The following CCDC85A variants were observed in gnomAD, a reference collection of about 807,000 sequenced individuals.
CCDC85A encodes the protein coiled-coil domain-containing protein 85A.
CCDC85A carries 38 observed loss-of-function variants against 50.2 expected under a neutral mutation model. The ratio of observed to expected loss-of-function variants is 0.76; its 90% CI spans 0.58 to 0.99. The LOEUF (loss-of-function observed/expected upper bound fraction) is 0.99, where lower values mean the gene tolerates loss of function less well. Among genes scored for constraint, CCDC85A ranks in the 50% least tolerant of loss-of-function variants. CCDC85A has a pLI of 0.00. For missense variants in CCDC85A, 820 were observed against 742.0 expected (o/e 1.11, Z -1.22); for synonymous variants, 366 against 301.4 (o/e 1.21, Z -2.22).
rs781754722 is a variant in CCDC85A at position 56,193,267 on chromosome 2, G to T, written c.1067G>T (p.Gly356Val). The T allele has an allele frequency of 4.3e-6, 7 of 1,613,352 alleles. No homozygotes were observed. The highest frequency in any genetic ancestry group is 5.9e-6 in the Non-Finnish European group (7 of 1,179,768). The change falls in exon 2 of 6, where the codon GGC becomes GTC. Residue 356 changes from glycine to valine, a missense_variant. Coordinates refer to ENST00000407595, the MANE Select transcript of CCDC85A (RefSeq NM_001080433.2). ...CTAGAGCATCTCCCCAGAGCCAGGG[G>T]CACCAGCCCGGAGCACCTCAAACAA... ...GSLEHLPRAR[G>V]TSPEHLKQHY...
intron 2 of CCDC85A, among the ~76,000 whole-genome samples, chr2:56,239,256 C>T (rs1397711573): frequency 1.3e-5 from 2 of 151,970 alleles, no homozygotes; most frequent in African/African-American, 4.8e-5. Context: ...ATGTCCTATG[C>T]TCAAGGTACA....
chr2:56,384,397 G>A lies in CCDC85A; in HGVS notation c.*42G>A, dbSNP rs763060827. 1 of 1,517,890 alleles carries A rather than the reference G, an allele frequency of 6.6e-7. No individual in the cohort carries two copies. The highest frequency in any genetic ancestry group is 2.3e-5 in the East Asian group (1 of 44,222). 94.0% of individuals were successfully genotyped at this position (1,517,890 alleles called of 1,614,324 possible). A position where few individuals can be genotyped will look rare whatever the true frequency, so the allele number is the denominator to read the frequency against. ...AACAGGAGATCACCACTGCCAGAAA[G>A]TGATAGAAGACAAGAAGAAAAAGGA... On this transcript the variant is annotated 3_prime_UTR_variant, in exon 6 of 6. Coordinates refer to ENST00000407595, the MANE Select transcript of CCDC85A (RefSeq NM_001080433.2).
At chr2:56,222,724 G>A (rs1668379408) in intron 2 of CCDC85A, among the ~76,000 whole-genome samples, 3 of 152,124 alleles carry the variant, frequency 2.0e-5, no homozygotes. Flanking sequence ...TCTCCAATAT[G>A]AGATGTGACT....
At chr2:56,370,676 G>GT (rs1676027604) in intron 3 of CCDC85A, among the ~76,000 whole-genome samples, 1 of 152,030 alleles carries the variant, frequency 6.6e-6, no homozygotes, top group African/African-American at 2.4e-5. Flanking sequence ...TCTCTACATA[G>GT]TAGCTAAATG....
rs1028421415 is a variant in CCDC85A, at chr2:56,184,409, C to T, written c.-216C>T. On this transcript the variant is annotated 5_prime_UTR_variant, in exon 1 of 6. Transcript: ENST00000407595. ...CTCGGCAGCAGCAAGCGGCTGGCTG[C>T]CGGGCCCTGGGGGAGCGCGGGCGCG... is the stretch of plus-strand genomic sequence containing the variant. The T allele has an allele frequency of 3.8e-6, 2 of 528,412 alleles. No individual in the cohort carries two copies. The highest frequency in any genetic ancestry group is 5.5e-6 in the Non-Finnish European group (2 of 361,778). 32.7% of individuals were successfully genotyped at this position (528,412 alleles called of 1,614,324 possible).
intron 2 of CCDC85A, among the ~76,000 whole-genome samples, chr2:56,298,903 A>T (rs932878445): frequency 6.6e-6 from 1 of 152,160 alleles, no homozygotes; most frequent in Non-Finnish European, 1.5e-5. Flanking sequence ...GCTGAGACAC[A>T]TAGTGGGCAA....
At chr2:56,204,042 C>A (rs995331425) in intron 2 of CCDC85A, among the ~76,000 whole-genome samples, 2 of 152,084 alleles carry the variant, frequency 1.3e-5, no homozygotes, top group Non-Finnish European at 2.9e-5. Flanking sequence ...ATCCATCAAG[C>A]AAGGGGCTTA....
At chr2:56,368,114 C>T (rs1378054520) in intron 3 of CCDC85A, among the ~76,000 whole-genome samples, 3 of 152,082 alleles carry the variant, frequency 2.0e-5, no homozygotes, top group Non-Finnish European at 2.9e-5. Context: ...TGCAATATCA[C>T]GTCTGATAGT....
intron 2 of CCDC85A, among the ~76,000 whole-genome samples, chr2:56,342,586 G>T (rs1174121241): frequency 6.6e-6 from 1 of 152,090 alleles, no homozygotes; most frequent in Non-Finnish European, 1.5e-5. Flanking sequence ...TTATTGGTTT[G>T]TAAGAGTTCT....
At chr2:56,246,391 G>A (rs1211169313) in intron 2 of CCDC85A, among the ~76,000 whole-genome samples, 1 of 151,634 alleles carries the variant, frequency 6.6e-6, no homozygotes, top group African/African-American at 2.4e-5. Flanking sequence ...GTGAAATCCA[G>A]TTTTTATTTG....
intron 2 of CCDC85A, among the ~76,000 whole-genome samples, chr2:56,214,401 A>G (rs1677309625): frequency 6.6e-6 from 1 of 151,946 alleles, no homozygotes. Flanking sequence ...TTTTCCATTG[A>G]TTACCCCACC....
chr2:56,228,000 G>A (rs191966732), intron 2 of CCDC85A, among the ~76,000 whole-genome samples: 242 of 152,274 alleles, frequency 1.6e-3, no homozygotes, highest in Non-Finnish European at 2.7e-3. Flanking sequence ...TTTCACAATC[G>A]CAGAAATGAC....
rs769933567 is a variant in CCDC85A at position 56,192,887 on chromosome 2, G to A, written c.687G>A (p.Ala229=). 2 of 1,613,018 alleles carry A rather than the reference G, an allele frequency of 1.2e-6. No individual in the cohort carries two copies. The highest frequency in any genetic ancestry group is 2.2e-5 in the East Asian group (1 of 44,850). The change falls in exon 2 of 6, where the codon GCG becomes GCA. Residue 229 remains alanine, a synonymous_variant. Transcript: ENST00000407595. This position sits in a 1 kb window ranked among gnomAD's most constrained non-coding sequence, Gnocchi z 4.7. ...TDSPDHHKHH[A]SSGSPEHLQK... ...GCCCGGACCACCACAAGCACCACGC[G>A]AGCAGTGGCAGCCCGGAGCACCTGC... is the stretch of plus-strand genomic sequence containing the variant.
At chr2:56,237,436 A>G (rs561950398) in intron 2 of CCDC85A, among the ~76,000 whole-genome samples, 5 of 152,360 alleles carry the variant, frequency 3.3e-5, no homozygotes, top group East Asian at 3.9e-4. Flanking sequence ...CAGAAGATTT[A>G]TACATGAATA....
In CCDC85A at chr2:56,184,085, C is replaced by T. The variant is rs1675878913; in HGVS notation, c.-540C>T. 2 of 985,344 alleles carry T rather than the reference C, an allele frequency of 2.0e-6. No individual in the cohort carries two copies. The highest frequency in any genetic ancestry group is 2.4e-6 in the Non-Finnish European group (2 of 830,004). The allele number at this position is 985,344 out of a possible 1,614,324, so 61.0% of individuals were successfully genotyped here. ...GCGGCAGGAGGAGCGCAGCAGCCTT[C>T]GGGCAGCCGCGGCGGCGTCGCTAGA... On this transcript the variant is annotated 5_prime_UTR_variant, in exon 1 of 6. Coordinates refer to ENST00000407595, the MANE Select transcript of CCDC85A (RefSeq NM_001080433.2).
chr2:56,223,956 G>T (rs1668436630), intron 2 of CCDC85A, among the ~76,000 whole-genome samples: 1 of 151,962 alleles, frequency 6.6e-6, no homozygotes, highest in African/African-American at 2.4e-5. Context: ...TAATATCTTT[G>T]TTAAGATACA....
At chr2:56,189,422 C>T (rs1340065037) in intron 1 of CCDC85A, among the ~76,000 whole-genome samples, 1 of 150,408 alleles carries the variant, frequency 6.6e-6, no homozygotes, top group Non-Finnish European at 1.5e-5. Flanking sequence ...TTCCTGGGTA[C>T]CTGGGATTAC....
chr2:56,268,764 T>TA lies in CCDC85A; in HGVS notation c.1241-74108dup, dbSNP rs557928800. ...TTAAATAACCTCTATTGTCCTTTAT[T>TA]AAAAAAACATTTTTGGCTCCATACT... On this transcript the variant is annotated intron_variant, in intron 2 of 5. Coordinates refer to ENST00000407595, the MANE Select transcript of CCDC85A (RefSeq NM_001080433.2). Among the ~76,000 whole-genome samples, 146 of 152,192 alleles carry TA rather than the reference T, an allele frequency of 9.6e-4. 1 individual carries two copies. In the South Asian group the frequency reaches 0.025, roughly 26 times the overall value.
chr2:56,250,909 G>C (rs1669724719), intron 2 of CCDC85A, among the ~76,000 whole-genome samples: 1 of 152,086 alleles, frequency 6.6e-6, no homozygotes, highest in African/African-American at 2.4e-5. Flanking sequence ...CATATTCCCA[G>C]TACCCCTCTC....
Sources: gnomAD v4.1 joint callset for allele counts (sites outside exome capture counted in the v4.1 genomes callset) on GRCh38, gnomAD v4.1.1 for gene constraint, Gnocchi (gnomAD v3.1) non-coding constraint, MANE v1.5 for transcripts, NCBI Gene and HGNC (gene_info 2026-07-23, HGNC 2026-07-21) for gene names.